PHLDB2: variants seen among roughly 807,000 people sequenced by gnomAD.
The protein encoded by PHLDB2 is pleckstrin homology like domain family B member 2.
Under a neutral mutation model 123.6 loss-of-function variants are expected in PHLDB2, and 71 were observed. The observed-to-expected ratio is 0.57, with a 90% CI of 0.47 to 0.70. The LOEUF is 0.70. Ranked by LOEUF, PHLDB2 falls within the 30% of genes least tolerant of loss-of-function variation. The pLI is 0.00. For missense variants in PHLDB2, 1,446 were observed against 1,519.5 expected (o/e 0.95, Z 0.80); for synonymous variants, 547 against 541.6 (o/e 1.01, Z -0.14).
intron 1 of PHLDB2, among the ~76,000 whole-genome samples, chr3:111,800,617 T>C (rs946180096): frequency 7.9e-5 from 12 of 152,216 alleles, no homozygotes; most frequent in African/African-American, 2.9e-4. Context: ...TCTCTAATAA[T>C]GTCATGAACT....
chr3:111,803,546 A>AT (rs1286187075), intron 1 of PHLDB2, among the ~76,000 whole-genome samples: 2 of 152,032 alleles, frequency 1.3e-5, no homozygotes, highest in African/African-American at 4.8e-5. Flanking sequence ...ATTTGAGTCA[A>AT]TTTTCAGTGA....
chr3:111,794,079 G>A (rs983785569), intron 1 of PHLDB2, among the ~76,000 whole-genome samples: 3 of 151,980 alleles, frequency 2.0e-5, no homozygotes, highest in Admixed American at 6.6e-5. Context: ...ACTTGCCAAG[G>A]AATTGCAGTC....
upstream of PHLDB2, among the ~76,000 whole-genome samples, chr3:111,855,490 GCTTC>G (rs2064445073): frequency 2.1e-5 from 2 of 96,522 alleles, no homozygotes; most frequent in African/African-American, 8.1e-5. Context: ...TCCCTTCTTT[GCTTC>G]CTTCCTTCTT....
intron 1 of PHLDB2, among the ~76,000 whole-genome samples, chr3:111,835,682 C>T (rs1301556921): frequency 6.6e-6 from 1 of 152,150 alleles, no homozygotes; most frequent in Admixed American, 6.5e-5. Flanking sequence ...GCTGGGGACA[C>T]GAAAAGGATA....
At chr3:111,856,565 G>T (rs903917380), upstream of PHLDB2, among the ~76,000 whole-genome samples, 1 of 152,122 alleles carries the variant, frequency 6.6e-6, no homozygotes, top group Non-Finnish European at 1.5e-5. Context: ...ATAAATATTG[G>T]CAATCTAATT....
At chr3:111,961,061 G>A (rs767920164) in intron 12 of PHLDB2, among the ~76,000 whole-genome samples, 5 of 152,150 alleles carry the variant, frequency 3.3e-5, no homozygotes, top group Non-Finnish European at 7.4e-5. Context: ...GGCCGGGCAC[G>A]GTGGCTCACG....
At chr3:111,918,792 T>G (rs2068325183) in intron 3 of PHLDB2, among the ~76,000 whole-genome samples, 1 of 152,216 alleles carries the variant, frequency 6.6e-6, no homozygotes, top group South Asian at 2.1e-4. Context: ...ACCACACCTT[T>G]CTTATCTGTG....
intron 1 of PHLDB2, among the ~76,000 whole-genome samples, chr3:111,817,669 T>C (rs2062153807): frequency 1.3e-5 from 2 of 152,190 alleles, no homozygotes; most frequent in South Asian, 2.1e-4. Flanking sequence ...TAGCCAATTG[T>C]ACTTAGGACC....
chr3:111,879,037 G>A (rs1234692680), intron 1 of PHLDB2, among the ~76,000 whole-genome samples: 2 of 152,140 alleles, frequency 1.3e-5, no homozygotes. Context: ...TCTCTGCCAG[G>A]TTTTGGTATC....
chr3:111,911,650 G>A, intron 2 of PHLDB2: 1 of 1,536,242 alleles, frequency 6.5e-7, no homozygotes, highest in Non-Finnish European at 8.7e-7. Context: ...GTGTAGCTAT[G>A]AGTGCCTGCC....
At chr3:111,774,070 A>G (rs1048143350) in intron 1 of PHLDB2, among the ~76,000 whole-genome samples, 9 of 152,224 alleles carry the variant, frequency 5.9e-5, no homozygotes, top group African/African-American at 2.2e-4. Context: ...TGTCAGTGGC[A>G]CTATGAGATA....
intron 11 of PHLDB2, among the ~76,000 whole-genome samples, chr3:111,953,451 G>T (rs1396397787): frequency 6.6e-6 from 1 of 152,134 alleles, no homozygotes; most frequent in African/African-American, 2.4e-5. Context: ...CTACATGAAG[G>T]ATTTTGCTAT....
intron 1 of PHLDB2, among the ~76,000 whole-genome samples, chr3:111,831,295 G>A (rs1051621262): frequency 1.3e-5 from 2 of 152,018 alleles, no homozygotes; most frequent in African/African-American, 4.8e-5. Context: ...AAAGGATTTC[G>A]AAAGAGACTT....
At chr3:111,971,281 C>G (rs1277115501) in intron 16 of PHLDB2, among the ~76,000 whole-genome samples, 1 of 152,160 alleles carries the variant, frequency 6.6e-6, no homozygotes, top group Non-Finnish European at 1.5e-5. Flanking sequence ...CTTCACTCTT[C>G]TTCTGTGCTC....
In PHLDB2 at chr3:111,904,171, G is replaced by A. The variant is rs572342594; in HGVS notation, c.1336-9148G>A. On this transcript the variant is annotated intron_variant, in intron 2 of 17. Transcript: ENST00000431670. The stretch of plus-strand genomic sequence containing the variant: ...CAGGCACCTATAATCCCAGCTACTC[G>A]GGAGGCTGAGGTGGGAGAATTGCTT... 2.2e-4 allele frequency among the ~76,000 whole-genome samples: 33 copies of A among 151,814 alleles called. No individual in the cohort carries two copies. The East Asian group carries it at 5.6e-3, about 26-fold the overall frequency.
intron 1 of PHLDB2, among the ~76,000 whole-genome samples, chr3:111,809,889 T>A (rs2061753356): frequency 6.6e-6 from 1 of 152,212 alleles, no homozygotes; most frequent in South Asian, 2.1e-4. Context: ...TTATGCAAGA[T>A]GAAGACGTTC....
At chr3:111,790,997 C>T (rs976529540) in intron 1 of PHLDB2, among the ~76,000 whole-genome samples, 1 of 151,962 alleles carries the variant, frequency 6.6e-6, no homozygotes. Context: ...ACACTGTGAA[C>T]CTTTTCCATA....
chr3:111,801,130 C>G (rs2061363064), intron 1 of PHLDB2, among the ~76,000 whole-genome samples: 1 of 152,116 alleles, frequency 6.6e-6, no homozygotes, highest in South Asian at 2.1e-4. Flanking sequence ...TAAATATTTG[C>G]TCCCTTCAGA....
chr3:111,860,115 G>A (rs2064748105), intron 1 of PHLDB2, among the ~76,000 whole-genome samples: 1 of 152,094 alleles, frequency 6.6e-6, no homozygotes, highest in Admixed American at 6.5e-5. Context: ...CAGAATGTGG[G>A]GGAACTGGGG....
Sources: allele counts gnomAD v4.1 joint callset (sites outside exome capture counted in the v4.1 genomes callset), GRCh38; gene constraint gnomAD v4.1.1; transcripts MANE v1.5; gene names NCBI Gene and HGNC (gene_info 2026-07-23, HGNC 2026-07-21).